ELAVL1: variants seen among roughly 807,000 people sequenced by gnomAD.
ELAVL1 encodes ELAV like RNA binding protein 1, also known as ELAV-like protein 1.
In ELAVL1, 1 loss-of-function variant was observed where a neutral mutation model predicts 28.4. The ratio of observed to expected loss-of-function variants is 0.04; its 90% CI spans 0.01 to 0.17. The LOEUF is 0.17. ELAVL1 is among the 10% of genes least tolerant of loss of function. The probability of loss-of-function intolerance (pLI) is 1.00; values close to 1 mark genes in which losing one functional copy is unlikely to be tolerated. For missense variants in ELAVL1, 157 were observed against 447.2 expected (o/e 0.35, Z 5.85); for synonymous variants, 174 against 183.5 (o/e 0.95, Z 0.42).
intron 2 of ELAVL1, among the ~76,000 whole-genome samples, chr19:7,988,489 G>A (rs931048081): frequency 3.3e-5 from 5 of 152,178 alleles, no homozygotes; most frequent in Admixed American, 6.5e-5. Context: ...ATGGCCTCAG[G>A]GGCAGTTAGA....
chr19:8,001,012 C>T (rs992607858), intron 1 of ELAVL1, among the ~76,000 whole-genome samples: 2 of 152,226 alleles, frequency 1.3e-5, no homozygotes, highest in Non-Finnish European at 2.9e-5. Flanking sequence ...CTGGCAGGCC[C>T]GAGCTGGGCA....
chr19:7,996,978 T>A (rs2081051921), intron 1 of ELAVL1, among the ~76,000 whole-genome samples: 1 of 152,156 alleles, frequency 6.6e-6, no homozygotes, highest in Non-Finnish European at 1.5e-5. Flanking sequence ...CGCTACCCAC[T>A]TATTAGAATG....
At chr19:7,970,063 C>T (rs1226579573) in intron 4 of ELAVL1, among the ~76,000 whole-genome samples, 2 of 152,152 alleles carry the variant, frequency 1.3e-5, no homozygotes, top group Non-Finnish European at 2.9e-5. Context: ...ACCTCCACCT[C>T]CCCGGTTCAA....
chr19:8,000,457 C>A (rs185993168), intron 1 of ELAVL1, among the ~76,000 whole-genome samples: 1 of 152,172 alleles, frequency 6.6e-6, no homozygotes, highest in Non-Finnish European at 1.5e-5. Context: ...TGCACCATGA[C>A]GGAGCAGGTA....
At chr19:8,005,292 G>A (rs1174851649) in intron 1 of ELAVL1, among the ~76,000 whole-genome samples, 1 of 151,084 alleles carries the variant, frequency 6.6e-6, no homozygotes, top group East Asian at 1.9e-4. Flanking sequence ...GAGGAATCCG[G>A]CCCCGGGGCC....
At position 7,981,974 on chromosome 19, in the gene ELAVL1, G is replaced by A. The variant is rs1985477273; in HGVS notation, c.173-788C>T. 6.6e-6 allele frequency among the ~76,000 whole-genome samples: 1 copy of A among 152,190 alleles called. No homozygotes were observed. Among genetic ancestry groups the A allele is most frequent in the African/African-American group, 2.4e-5 (1 of 41,458 alleles). ...CCTGAGACCAGCCCGACCCCGCTGTGGGGCAGAAGAGTCCAGGGAGAGGCC... is the reference window on the plus strand; with the variant it reads ...CCTGAGACCAGCCCGACCCCGCTGTAGGGCAGAAGAGTCCAGGGAGAGGCC... On this transcript the variant is annotated intron_variant, in intron 2 of 5. Coordinates refer to ENST00000407627, the MANE Select transcript of ELAVL1 (RefSeq NM_001419.3). The surrounding 1 kb of genome is among the most constrained non-coding windows in gnomAD (Gnocchi z 4.2).
chr19:7,971,150 T>G (rs1179269076), intron 4 of ELAVL1, among the ~76,000 whole-genome samples: 1 of 152,158 alleles, frequency 6.6e-6, no homozygotes, highest in Non-Finnish European at 1.5e-5. Context: ...CCCAACACCC[T>G]GGGAGACACT....
At chr19:7,969,203 A>C (rs1294418764) in intron 4 of ELAVL1, among the ~76,000 whole-genome samples, 3 of 152,218 alleles carry the variant, frequency 2.0e-5, no homozygotes, top group African/African-American at 7.2e-5. Flanking sequence ...CTCACCTCTT[A>C]AGGAAAAAGA....
At chr19:7,986,006 T>C (rs1170006484) in intron 2 of ELAVL1, among the ~76,000 whole-genome samples, 1 of 152,232 alleles carries the variant, frequency 6.6e-6, no homozygotes, top group Non-Finnish European at 1.5e-5. Flanking sequence ...TGGGCACCCA[T>C]ACACCGCCCA....
intron 2 of ELAVL1, among the ~76,000 whole-genome samples, chr19:7,986,011 C>T (rs1466000564): frequency 6.6e-6 from 1 of 152,242 alleles, no homozygotes; most frequent in Non-Finnish European, 1.5e-5. Flanking sequence ...ACCCATACAC[C>T]GCCCACACTG....
chr19:8,000,209 C>G (rs1255395884), intron 1 of ELAVL1, among the ~76,000 whole-genome samples: 1 of 152,210 alleles, frequency 6.6e-6, no homozygotes, highest in East Asian at 1.9e-4. Flanking sequence ...GTGAGAGTCA[C>G]CGTCGGTGCC....
Position 7,981,167 on chromosome 19 carries a change from G to A in ELAVL1, c.192C>T (p.Gly64=). 2.5e-6 allele frequency: 4 copies of A among 1,614,202 alleles called. No individual in the cohort carries two copies. Among genetic ancestry groups the A allele is most frequent in the Non-Finnish European group, 3.4e-6 (4 of 1,180,018 alleles). ...CCTTCGCGGTCACGTAGTTCACAAA[G>A]CCATAGCCCAAGCTGTGTCCTGTGC... ...DKVAGHSLGY[G]FVNYVTAKDA... is the part of the protein sequence containing the mutation. Residue 64 remains glycine, a synonymous_variant, in exon 3 of 6, where the codon GGC becomes GGT. Coordinates refer to ENST00000407627, the MANE Select transcript of ELAVL1 (RefSeq NM_001419.3). This position sits in a 1 kb window ranked among gnomAD's most constrained non-coding sequence, Gnocchi z 4.2.
Position 7,961,860 on chromosome 19 carries a change from TATAA to T in ELAVL1, c.*1619_*1622del, listed in dbSNP as rs1417235442. The T allele has an allele frequency of 6.6e-6, 1 of 152,178 alleles. No homozygotes were observed. Among genetic ancestry groups the T allele is most frequent in the Admixed American group, 6.5e-5 (1 of 15,284 alleles). 9.4% of individuals were successfully genotyped at this position (152,178 alleles called of 1,614,324 possible). On this transcript the variant is annotated 3_prime_UTR_variant, in exon 6 of 6. Transcript: ENST00000407627. ...TTCAATAAATAAATACATAAATAGG[TATAA>T]ATAAACAGATAAATACAGCCATCAT... is the stretch of plus-strand genomic sequence containing the variant.
At chr19:7,977,513 T>G (rs773503884) in intron 3 of ELAVL1, among the ~76,000 whole-genome samples, 16 of 151,046 alleles carry the variant, frequency 1.1e-4, no homozygotes, top group Non-Finnish European at 1.8e-4. Context: ...CCAGCAGTGA[T>G]GAAGAGCTGC....
chr19:7,991,932 C>A, intron 1 of ELAVL1, 101 bp from the exon 2 acceptor site: 61 of 645,874 alleles, frequency 9.4e-5, no homozygotes, highest in Non-Finnish European at 1.2e-4. Flanking sequence ...TTCTTTCTTT[C>A]TTTTTTTTTT....
intron 3 of ELAVL1, 142 bp from the exon 4 acceptor site, chr19:7,974,020 G>A (rs1231399414): frequency 2.6e-5 from 29 of 1,108,098 alleles, no homozygotes; most frequent in African/African-American, 9.5e-5. Flanking sequence ...GACGCTCACC[G>A]CCTGCAGCCG....
At chr19:7,999,978 C>T (rs112736139) in intron 1 of ELAVL1, among the ~76,000 whole-genome samples, 15,542 of 152,176 alleles carry the variant, frequency 0.1, 939 homozygotes, top group South Asian at 0.19. Flanking sequence ...GGTTTCACTA[C>T]GTTGGCCAGG....
rs896532655 is a variant in ELAVL1, at chr19:7,979,646, C to T, written c.276+1437G>A. Reference sequence around the variant, plus strand: ...CCCCTGCTCAGGTGGAATCCCATGGCGCTTGGCTGCCCTCACCAGCCCCCA... The same window carrying T: ...CCCCTGCTCAGGTGGAATCCCATGGTGCTTGGCTGCCCTCACCAGCCCCCA... On this transcript the variant is annotated intron_variant, in intron 3 of 5. Coordinates refer to ENST00000407627, the MANE Select transcript of ELAVL1 (RefSeq NM_001419.3). This position sits in a 1 kb window ranked among gnomAD's most constrained non-coding sequence, Gnocchi z 5.4. Among the ~76,000 whole-genome samples, 3 of 152,186 alleles carry T rather than the reference C, an allele frequency of 2.0e-5. No homozygotes were observed. The highest frequency in any genetic ancestry group is 4.4e-5 in the Non-Finnish European group (3 of 68,018).
At position 7,963,886 on chromosome 19, in the gene ELAVL1, A is replaced by C. The variant is rs928657661; in HGVS notation, c.657-79T>G. On this transcript the variant is annotated intron_variant, in intron 5 of 5. Coordinates refer to ENST00000407627, the MANE Select transcript of ELAVL1 (RefSeq NM_001419.3). The surrounding 1 kb of genome is among the most constrained non-coding windows in gnomAD (Gnocchi z 4.5). ...TGGGGCAAGGCCTGGACGCATGCTG[A>C]CCATGGCCGCTGGGCCCCATCCCGC... 11 of 1,476,418 alleles carry C rather than the reference A, an allele frequency of 7.5e-6. 1 individual carries two copies. In the African/African-American group the frequency reaches 1.4e-4, roughly 19 times the overall value. The allele number at this position is 1,476,418 out of a possible 1,614,324, so 91.5% of individuals were successfully genotyped here. A position where few individuals can be genotyped will look rare whatever the true frequency, so the allele number is the denominator to read the frequency against.
Sources: gnomAD v4.1 joint callset for allele counts (sites outside exome capture counted in the v4.1 genomes callset) on GRCh38, gnomAD v4.1.1 for gene constraint, Gnocchi (gnomAD v3.1) non-coding constraint, MANE v1.5 for transcripts, NCBI Gene and HGNC (gene_info 2026-07-23, HGNC 2026-07-21) for gene names.